The following OXR1 variants were observed in gnomAD, a reference collection of about 807,000 sequenced individuals.
OXR1 encodes the protein oxidation resistance protein 1.
OXR1 carries 41 observed loss-of-function variants against 104.6 expected under a neutral mutation model. That is an observed-to-expected ratio of 0.39 (90% CI 0.31 to 0.51). The LOEUF (loss-of-function observed/expected upper bound fraction) is 0.51. Among genes scored for constraint, OXR1 ranks in the 20% least tolerant of loss-of-function variants. OXR1 has a pLI of 0.77. For synonymous variants in OXR1, 348 were observed against 348.4 expected (o/e 1.00, Z 0.01); for missense variants, 955 against 1,031.9 (o/e 0.93, Z 1.02).
At position 106,360,125 on chromosome 8, in the gene OXR1, A is replaced by G. The variant is rs571202027; in HGVS notation, c.23+489A>G. ...AAATTTGTTATAGATGCACATCTCT[A>G]AATAGCTGGCATTCTAAATAATCTT... On this transcript the variant is annotated intron_variant, in intron 2 of 16. Transcript: ENST00000517566. Among the ~76,000 whole-genome samples the G allele has an allele frequency of 5.6e-4, 85 of 152,302 alleles. 1 individual carries two copies. In the South Asian group the frequency reaches 0.017, roughly 30 times the overall value.
chr8:106,662,848 T>TGAA (rs994981031), intron 3 of OXR1, among the ~76,000 whole-genome samples: 5 of 78,460 alleles, frequency 6.4e-5, no homozygotes, highest in African/African-American at 6.0e-4. Context: ...GGGATGATGA[T>TGAA]GATGATGATG....
chr8:106,738,724 G>A (rs952449537), intron 12 of OXR1, among the ~76,000 whole-genome samples: 4 of 147,694 alleles, frequency 2.7e-5, no homozygotes, highest in East Asian at 4.0e-4. Flanking sequence ...CATTCTTATC[G>A]TTTTAAGAAT....
intron 3 of OXR1, among the ~76,000 whole-genome samples, chr8:106,531,519 T>G (rs1336329735): frequency 1.3e-5 from 2 of 152,160 alleles, no homozygotes; most frequent in East Asian, 3.8e-4. Flanking sequence ...TCTCTTAGTT[T>G]TCTGAGCTAG....
At chr8:106,354,711 G>T (rs1341927238) in intron 1 of OXR1, among the ~76,000 whole-genome samples, 1 of 152,002 alleles carries the variant, frequency 6.6e-6, no homozygotes. Context: ...TTATGTGGTA[G>T]GTTACTTAAA....
chr8:106,448,011 G>A (rs1179694018), intron 2 of OXR1: 5 of 1,483,268 alleles, frequency 3.4e-6, no homozygotes, highest in East Asian at 2.4e-5. Context: ...TTGCCTGCCT[G>A]CCTGCACAGA....
chr8:106,680,813 A>G (rs1828076357), intron 4 of OXR1, among the ~76,000 whole-genome samples: 1 of 152,060 alleles, frequency 6.6e-6, no homozygotes, highest in South Asian at 2.1e-4. Context: ...GCCTCTTACC[A>G]ATTCTTCTTC....
intron 1 of OXR1, among the ~76,000 whole-genome samples, chr8:106,354,135 G>T (rs1815858868): frequency 6.6e-6 from 1 of 151,444 alleles, no homozygotes; most frequent in African/African-American, 2.4e-5. Flanking sequence ...TATATTCAGA[G>T]CTCAGGTATG....
intron 4 of OXR1, 62 bp downstream of exon 4, chr8:106,679,354 C>A: frequency 1.3e-6 from 1 of 763,290 alleles, no homozygotes; most frequent in Non-Finnish European, 2.2e-6. Context: ...AAGACATTCT[C>A]TGTTTATACT....
At chr8:106,475,039 C>G (rs1284428946) in intron 2 of OXR1, among the ~76,000 whole-genome samples, 2 of 152,008 alleles carry the variant, frequency 1.3e-5, no homozygotes, top group East Asian at 3.9e-4. Context: ...AGTACTAGTA[C>G]CTACCTCATA....
At chr8:106,741,911 A>T (rs748013825) in intron 14 of OXR1, among the ~76,000 whole-genome samples, 2 of 152,200 alleles carry the variant, frequency 1.3e-5, no homozygotes, top group Non-Finnish European at 2.9e-5. Context: ...TCATACATAC[A>T]TTGTACATAT....
At chr8:106,380,366 T>C (rs961986847) in intron 2 of OXR1, among the ~76,000 whole-genome samples, 9 of 152,174 alleles carry the variant, frequency 5.9e-5, no homozygotes, top group African/African-American at 2.2e-4. Context: ...CATGCATTCA[T>C]CAATGGAGGG....
At position 106,475,641 on chromosome 8, in the gene OXR1, A is replaced by G. The variant is rs115916823; in HGVS notation, c.24-43302A>G. ...ACTGTTTGCTTTAGTTTCAGTGCCCATATCTTATGAGTCCATTTTGAAAAT... is the reference window on the plus strand; with the variant it reads ...ACTGTTTGCTTTAGTTTCAGTGCCCGTATCTTATGAGTCCATTTTGAAAAT... On this transcript the variant is annotated intron_variant, in intron 2 of 16. Transcript: ENST00000517566. Among the ~76,000 whole-genome samples the G allele has an allele frequency of 7.4e-3, 1,127 of 152,090 alleles. 16 individuals are homozygous for G. The highest frequency in any genetic ancestry group is 0.026 in the African/African-American group (1,081 of 41,536).
intron 2 of OXR1, chr8:106,448,189 G>A (rs2130606928): frequency 9.5e-7 from 1 of 1,052,984 alleles, no homozygotes; most frequent in East Asian, 2.6e-5. Flanking sequence ...CCAAACAGAT[G>A]GATTTCTGTT....
At chr8:106,407,086 AG>A (rs1168934606) in intron 2 of OXR1, among the ~76,000 whole-genome samples, 2 of 152,166 alleles carry the variant, frequency 1.3e-5, no homozygotes, top group Non-Finnish European at 2.9e-5. Context: ...TATTACTAAA[AG>A]TATCTGGACT....
chr8:106,700,179 G>A lies in OXR1; in HGVS notation c.676-2727G>A, dbSNP rs187897270. 1.3e-3 allele frequency among the ~76,000 whole-genome samples: 202 copies of A among 152,266 alleles called. 1 individual carries two copies. The highest frequency in any genetic ancestry group is 4.6e-3 in the African/African-American group (193 of 41,566). ...AGTTTCTGAAGTTCATGTGGATTAA[G>A]TAGATACTTTAATTGAAAACGTCTT... On this transcript the variant is annotated intron_variant, in intron 7 of 16. Coordinates refer to ENST00000517566, the MANE Select transcript of OXR1 (RefSeq NM_001198533.2).
chr8:106,304,256 A>G (rs1454549583), intron 1 of OXR1, among the ~76,000 whole-genome samples: 1 of 152,178 alleles, frequency 6.6e-6, no homozygotes, highest in Non-Finnish European at 1.5e-5. Flanking sequence ...GCTTGAAGAC[A>G]TATTTTCTTG....
chr8:106,649,946 T>C (rs1428352733), intron 3 of OXR1, among the ~76,000 whole-genome samples: 2 of 152,130 alleles, frequency 1.3e-5, no homozygotes, highest in African/African-American at 4.8e-5. Context: ...TCCGCCCACC[T>C]TGGCCTCCCA....
intron 3 of OXR1, among the ~76,000 whole-genome samples, chr8:106,667,869 T>C (rs1004596896): frequency 7.2e-5 from 11 of 151,806 alleles, no homozygotes; most frequent in African/African-American, 2.7e-4. Flanking sequence ...GAAGGATGGA[T>C]GGGTGGTTAG....
At chr8:106,634,656 T>A (rs1203624212) in intron 3 of OXR1, among the ~76,000 whole-genome samples, 2 of 152,180 alleles carry the variant, frequency 1.3e-5, no homozygotes, top group Non-Finnish European at 2.9e-5. Context: ...ATCTCCTTAA[T>A]AAATTATTCC....
Sources: allele counts gnomAD v4.1 joint callset (sites outside exome capture counted in the v4.1 genomes callset), GRCh38; gene constraint gnomAD v4.1.1; transcripts MANE v1.5; gene names NCBI Gene and HGNC (gene_info 2026-07-23, HGNC 2026-07-21).